Variants in SMAD2 observed in about 807,000 individuals in gnomAD.
The protein encoded by SMAD2 is SMAD family member 2.
A neutral mutation model predicts 64.4 loss-of-function variants in SMAD2; 8 were observed. The observed-to-expected ratio is 0.12, with a 90% CI of 0.07 to 0.22. The LOEUF (loss-of-function observed/expected upper bound fraction) is 0.22. SMAD2 is among the 10% of genes least tolerant of loss of function. The pLI is 1.00. For missense variants in SMAD2, 289 were observed against 561.2 expected (o/e 0.51, Z 4.90); for synonymous variants, 203 against 195.8 (o/e 1.04, Z -0.31).
intron 8 of SMAD2, 82 bp downstream of exon 8, chr18:47,848,393 G>C: frequency 1.9e-6 from 2 of 1,074,250 alleles, no homozygotes; most frequent in Non-Finnish European, 2.9e-6. Context: ...CTGCACACAA[G>C]CTCTTGATGT....
intron 6 of SMAD2, among the ~76,000 whole-genome samples, chr18:47,864,720 T>C (rs1166561403): frequency 6.6e-6 from 1 of 152,176 alleles, no homozygotes; most frequent in Admixed American, 6.5e-5. Flanking sequence ...TGAGTAATTA[T>C]GGTTTTTTAT....
At chr18:47,904,001 T>G (rs766410003) in intron 1 of SMAD2, among the ~76,000 whole-genome samples, 4 of 151,666 alleles carry the variant, frequency 2.6e-5, no homozygotes, top group Non-Finnish European at 4.4e-5. Flanking sequence ...CATAAACTTT[T>G]CAAGAGATGA....
intron 1 of SMAD2, among the ~76,000 whole-genome samples, chr18:47,897,929 T>C (rs1210265079): frequency 6.6e-6 from 1 of 152,214 alleles, no homozygotes; most frequent in Non-Finnish European, 1.5e-5. Flanking sequence ...CCAAAAGGCA[T>C]CCTTTTTAGA....
Position 47,826,694 on chromosome 18 carries a change from C to T in SMAD2, c.*15133G>A, listed in dbSNP as rs142104720. 4.9e-4 allele frequency: 74 copies of T among 152,268 alleles called. No individual in the cohort carries two copies. The highest frequency in any genetic ancestry group is 1.7e-3 in the African/African-American group (71 of 41,538). 9.4% of individuals were successfully genotyped at this position (152,268 alleles called of 1,614,324 possible). ...CACCACTGGGTTTTTGTGGTTGCTA[C>T]GAGTTACTTTTGCGGCAATAATTGC... On this transcript the variant is annotated 3_prime_UTR_variant, in exon 11 of 11. Transcript: ENST00000262160.
chr18:47,855,795 TTTTG>T (rs1172384434), intron 6 of SMAD2, among the ~76,000 whole-genome samples: 2 of 152,026 alleles, frequency 1.3e-5, no homozygotes, highest in African/African-American at 4.8e-5. Context: ...CTAATTTCAG[TTTTG>T]TTTTTTAATT....
intron 5 of SMAD2, chr18:47,866,891 A>G (rs1613672): frequency 0.59 from 89,215 of 152,096 alleles, 26,557 homozygotes; most frequent in East Asian, 0.81. Flanking sequence ...AAATGAGCCC[A>G]AACATCTTCA....
intron 2 of SMAD2, among the ~76,000 whole-genome samples, chr18:47,889,773 A>C (rs2033101718): frequency 6.6e-6 from 1 of 151,202 alleles, no homozygotes; most frequent in East Asian, 1.9e-4. Context: ...TCCATCTCAA[A>C]AAAAAAAAAA....
rs1209457866 is a variant in SMAD2 at position 47,828,905 on chromosome 18, G to A, written c.*12922C>T. On this transcript the variant is annotated 3_prime_UTR_variant, in exon 11 of 11. Coordinates refer to ENST00000262160, the MANE Select transcript of SMAD2 (RefSeq NM_005901.6). Reference sequence around the variant, plus strand: ...ATGACCCTGCCACATCCCCCTCTCCGAGAAACACCCAAGAATGATCAATAA... The same window carrying A: ...ATGACCCTGCCACATCCCCCTCTCCAAGAAACACCCAAGAATGATCAATAA... 2 of 100,346 alleles carry A rather than the reference G, an allele frequency of 2.0e-5. No homozygotes were observed. The highest frequency in any genetic ancestry group is 3.9e-5 in the African/African-American group (1 of 25,662). 6.2% of individuals were successfully genotyped at this position (100,346 alleles called of 1,614,324 possible).
chr18:47,921,043 A>G (rs911622340), intron 1 of SMAD2, among the ~76,000 whole-genome samples: 2 of 152,202 alleles, frequency 1.3e-5, no homozygotes, highest in African/African-American at 4.8e-5. Flanking sequence ...TGCAGTCCCA[A>G]CTACTCAGGT....
At chr18:47,881,458 C>G (rs1234859568) in intron 2 of SMAD2, among the ~76,000 whole-genome samples, 1 of 152,174 alleles carries the variant, frequency 6.6e-6, no homozygotes, top group Non-Finnish European at 1.5e-5. Flanking sequence ...TGCAGCCTTG[C>G]TAAATTTACT....
At chr18:47,878,242 A>T (rs1035874883) in intron 2 of SMAD2, 1 of 152,228 alleles carries the variant, frequency 6.6e-6, no homozygotes, top group Admixed American at 6.5e-5. Flanking sequence ...TAAAAAATAA[A>T]CTAATACCAA....
intron 7 of SMAD2, among the ~76,000 whole-genome samples, chr18:47,849,800 G>C (rs1381787084): frequency 3.3e-5 from 5 of 151,954 alleles, no homozygotes; most frequent in African/African-American, 1.2e-4. Context: ...TTGAGGCCAG[G>C]AGTTTGAGAC....
At chr18:47,879,528 G>GTGTGTGTGTGTGTGTGTGTGTGTGTGTGT (rs1555653713) in intron 2 of SMAD2, among the ~76,000 whole-genome samples, 1 of 151,028 alleles carries the variant, frequency 6.6e-6, no homozygotes, top group Non-Finnish European at 1.5e-5. Context: ...GTGTGTGTGT[G>GTGTGTGTGTGTGTGTGTGTGTGTGTGTGT]GAGTCGTTTT....
At chr18:47,927,674 C>T (rs1031994533) in intron 1 of SMAD2, among the ~76,000 whole-genome samples, 22 of 152,218 alleles carry the variant, frequency 1.4e-4, no homozygotes, top group African/African-American at 4.1e-4. Flanking sequence ...CCGAGGTGGG[C>T]GGATCACCTG....
At position 47,830,697 on chromosome 18, in the gene SMAD2, C is replaced by A. The variant is rs550991171; in HGVS notation, c.*11130G>T. 6.6e-6 allele frequency: 1 copy of A among 152,544 alleles called. No individual in the cohort carries two copies. Among genetic ancestry groups the A allele is most frequent in the Non-Finnish European group, 1.5e-5 (1 of 68,272 alleles). 9.4% of individuals were successfully genotyped at this position (152,544 alleles called of 1,614,324 possible). Reference sequence around the variant, plus strand: ...TTACATGGTACTTATGTAGTTTGATCAAATACTGCCACAATATAGTTTAGA... The same window carrying A: ...TTACATGGTACTTATGTAGTTTGATAAAATACTGCCACAATATAGTTTAGA... On this transcript the variant is annotated 3_prime_UTR_variant, in exon 11 of 11. Transcript: ENST00000262160.
intron 1 of SMAD2, among the ~76,000 whole-genome samples, chr18:47,914,117 C>T (rs2034246023): frequency 6.6e-6 from 1 of 152,176 alleles, no homozygotes; most frequent in African/African-American, 2.4e-5. Context: ...AATTAAACAA[C>T]AGTGCATACT....
intron 1 of SMAD2, among the ~76,000 whole-genome samples, chr18:47,909,251 G>A (rs751380966): frequency 1.3e-5 from 2 of 152,262 alleles, no homozygotes; most frequent in African/African-American, 2.4e-5. Context: ...GAGAAAAAGC[G>A]GAGTCATTAT....
intron 2 of SMAD2, among the ~76,000 whole-genome samples, chr18:47,871,172 T>TA (rs1168286950): frequency 6.6e-6 from 1 of 152,210 alleles, no homozygotes; most frequent in African/African-American, 2.4e-5. Context: ...AGCTCAGAGA[T>TA]AATTCTCCCT....
intron 1 of SMAD2, among the ~76,000 whole-genome samples, chr18:47,918,660 A>G (rs905682652): frequency 6.6e-6 from 1 of 152,242 alleles, no homozygotes; most frequent in Non-Finnish European, 1.5e-5. Context: ...GGCCAGAGAA[A>G]TAAGACTGAG....
Sources: gnomAD v4.1 joint callset for allele counts (sites outside exome capture counted in the v4.1 genomes callset) on GRCh38, gnomAD v4.1.1 for gene constraint, MANE v1.5 for transcripts, NCBI Gene and HGNC (gene_info 2026-07-23, HGNC 2026-07-21) for gene names.